Variants in CHODL observed in about 807,000 individuals in gnomAD.
CHODL encodes the protein chondrolectin, also known as transmembrane protein MT75.
In CHODL, 29 loss-of-function variants were observed where a neutral mutation model predicts 34.5. The ratio of observed to expected loss-of-function variants is 0.84; its 90% CI spans 0.63 to 1.15. CHODL has a LOEUF of 1.15. Ranked by LOEUF, CHODL falls within the 50% of genes most tolerant of loss-of-function variation. The probability of loss-of-function intolerance (pLI) is 0.00; values close to 1 mark genes in which losing one functional copy is unlikely to be tolerated. For missense variants in CHODL, 332 were observed against 332.5 expected (o/e 1.00, Z 0.01); for synonymous variants, 125 against 116.1 (o/e 1.08, Z -0.49).
intron 2 of CHODL, among the ~76,000 whole-genome samples, chr21:18,168,355 G>A (rs116453710): frequency 0.028 from 4,236 of 152,248 alleles, 130 homozygotes; most frequent in African/African-American, 0.08. Context: ...GCTGACTAAC[G>A]TGCCTATGGT....
At chr21:18,161,249 G>A (rs2073092014) in intron 2 of CHODL, among the ~76,000 whole-genome samples, 1 of 152,056 alleles carries the variant, frequency 6.6e-6, no homozygotes, top group Non-Finnish European at 1.5e-5. Flanking sequence ...CCTGTCTTTG[G>A]TACTGGTTTT....
intron 2 of CHODL, among the ~76,000 whole-genome samples, chr21:18,171,254 C>CGGA (rs1208985592): frequency 3.5e-5 from 4 of 113,668 alleles, no homozygotes; most frequent in Admixed American, 1.2e-4. Flanking sequence ...GGCCAGACTG[C>CGGA]GGACTGCAGC....
At chr21:17,972,450 G>A (rs1202129542) in intron 1 of CHODL, among the ~76,000 whole-genome samples, 1 of 152,096 alleles carries the variant, frequency 6.6e-6, no homozygotes, top group Non-Finnish European at 1.5e-5. Flanking sequence ...AAAGTCTCAG[G>A]ATACAAAATC....
intron 2 of CHODL, among the ~76,000 whole-genome samples, chr21:18,063,010 G>A (rs151238962): frequency 1.4e-4 from 21 of 152,108 alleles, no homozygotes; most frequent in African/African-American, 3.9e-4. Flanking sequence ...TCAAAGAAAC[G>A]TGAGAAAAAA....
At chr21:18,165,158 C>T (rs1308550170) in intron 2 of CHODL, among the ~76,000 whole-genome samples, 1 of 152,196 alleles carries the variant, frequency 6.6e-6, no homozygotes, top group African/African-American at 2.4e-5. Flanking sequence ...AACAAAAACG[C>T]CTCCAGACAT....
At chr21:18,097,213 CT>C (rs2065150583) in intron 2 of CHODL, among the ~76,000 whole-genome samples, 1 of 152,054 alleles carries the variant, frequency 6.6e-6, no homozygotes, top group Non-Finnish European at 1.5e-5. Flanking sequence ...TACTGGAAGT[CT>C]TAGCTAGAAC....
intron 3 of CHODL, among the ~76,000 whole-genome samples, chr21:18,258,183 A>C (rs1039029542): frequency 1.3e-5 from 2 of 150,800 alleles, no homozygotes; most frequent in Admixed American, 1.3e-4. Flanking sequence ...TGTATTAGCC[A>C]CCTTTTTTTT....
intron 2 of CHODL, among the ~76,000 whole-genome samples, chr21:18,201,010 C>T (rs1483572188): frequency 6.6e-6 from 1 of 152,140 alleles, no homozygotes; most frequent in African/African-American, 2.4e-5. Context: ...GACTTCTGGC[C>T]TTCAGAATCG....
intron 1 of CHODL, among the ~76,000 whole-genome samples, chr21:18,000,208 A>C (rs1190828676): frequency 6.6e-6 from 1 of 152,178 alleles, no homozygotes; most frequent in African/African-American, 2.4e-5. Context: ...GGCCTCAGTC[A>C]TAACTGAGGC....
chr21:18,180,831 A>G (rs2073373161), intron 2 of CHODL, among the ~76,000 whole-genome samples: 1 of 152,202 alleles, frequency 6.6e-6, no homozygotes, highest in African/African-American at 2.4e-5. Context: ...TCTGCTCTTT[A>G]CTAGGCTTAT....
chr21:17,983,266 A>T (rs530211130), intron 1 of CHODL, among the ~76,000 whole-genome samples: 2 of 152,344 alleles, frequency 1.3e-5, no homozygotes, highest in Admixed American at 1.3e-4. Flanking sequence ...GACATAGTAT[A>T]TGGCACTTAA....
chr21:17,967,180 G>C, intron 1 of CHODL, among the ~76,000 whole-genome samples: 1 of 151,896 alleles, frequency 6.6e-6, no homozygotes, highest in Non-Finnish European at 1.5e-5. Context: ...TTATGCACCT[G>C]GCCCCTCTGA....
At chr21:18,010,132 A>C (rs1353148260) in intron 1 of CHODL, among the ~76,000 whole-genome samples, 12 of 143,648 alleles carry the variant, frequency 8.4e-5, no homozygotes, top group South Asian at 2.2e-4. Flanking sequence ...AAAAAAAAAA[A>C]AAAAAAAAAA....
chr21:18,102,818 C>T (rs1034461199), intron 2 of CHODL, among the ~76,000 whole-genome samples: 6 of 151,992 alleles, frequency 3.9e-5, no homozygotes, highest in Admixed American at 1.3e-4. Flanking sequence ...CTCTTTAGTA[C>T]AGGAAGGGAA....
chr21:18,194,086 G>C (rs373066767), intron 2 of CHODL, among the ~76,000 whole-genome samples: 18 of 150,244 alleles, frequency 1.2e-4, no homozygotes, highest in East Asian at 5.9e-4. Context: ...AAAACACAAC[G>C]ATCTTTTGCC....
intron 2 of CHODL, among the ~76,000 whole-genome samples, chr21:18,052,400 AT>A (rs1043968341): frequency 2.6e-5 from 4 of 151,916 alleles, no homozygotes; most frequent in African/African-American, 7.2e-5. Flanking sequence ...TAACCCAGAG[AT>A]TCTGACTTCT....
At chr21:18,135,233 T>G (rs2072707282) in intron 2 of CHODL, among the ~76,000 whole-genome samples, 1 of 152,224 alleles carries the variant, frequency 6.6e-6, no homozygotes, top group Admixed American at 6.5e-5. Flanking sequence ...TTTAATCAGT[T>G]TACAGGTTGC....
intron 2 of CHODL, among the ~76,000 whole-genome samples, chr21:18,173,463 G>A (rs2073255761): frequency 6.6e-6 from 1 of 152,160 alleles, no homozygotes; most frequent in Admixed American, 6.5e-5. Flanking sequence ...TCTTCATAAT[G>A]TAATAATCAC....
Position 18,227,538 on chromosome 21 carries a change from A to T in CHODL, c.-44-28971A>T, listed in dbSNP as rs535306912. ...ACAAACATGATCATTAAACTAGTAA[A>T]TAAAATCTTCTCTTCACATAGTGGA... On this transcript the variant is annotated intron_variant, in intron 2 of 6. Coordinates refer to the CHODL transcript ENST00000400127. Among the ~76,000 whole-genome samples, 17 of 152,234 alleles carry T rather than the reference A, an allele frequency of 1.1e-4. No homozygotes were observed. The South Asian group carries it at 3.5e-3, about 32-fold the overall frequency.
Sources: gnomAD v4.1 joint callset for allele counts (sites outside exome capture counted in the v4.1 genomes callset) on GRCh38, gnomAD v4.1.1 for gene constraint, MANE v1.5 for transcripts, NCBI Gene and HGNC (gene_info 2026-07-23, HGNC 2026-07-21) for gene names.